The following ZNF770 variants were observed in gnomAD, a reference collection of about 807,000 sequenced individuals.
ZNF770 encodes zinc finger protein 770.
In ZNF770, 13 loss-of-function variants were observed where a neutral mutation model predicts 44.8. The ratio of observed to expected loss-of-function variants is 0.29; its 90% CI spans 0.19 to 0.46. The LOEUF is 0.46. Among genes scored for constraint, ZNF770 ranks in the 20% least tolerant of loss-of-function variants. ZNF770 has a pLI of 1.00. For missense variants in ZNF770, 681 were observed against 797.9 expected (o/e 0.85, Z 1.77); for synonymous variants, 304 against 271.8 (o/e 1.12, Z -1.17).
Position 34,981,631 on chromosome 15 carries a change from A to G in ZNF770, c.1804T>C (p.Leu602=), listed in dbSNP as rs1275740848. The change falls in exon 3 of 3, where the codon TTG becomes CTG. Residue 602 remains leucine, a synonymous_variant. Coordinates refer to ENST00000356321, the MANE Select transcript of ZNF770 (RefSeq NM_014106.4). ...TGQPCLPNVL[L]ESEQSNPFCS... ...AAAGGATTGCTTTGCTCTGATTCCA[A>G]AAGTACATTAGGAAGACAGGGTTGC... 6.8e-6 allele frequency: 11 copies of G among 1,614,060 alleles called. No individual in the cohort carries two copies. Among genetic ancestry groups the G allele is most frequent in the Non-Finnish European group, 9.3e-6 (11 of 1,180,062 alleles).
In ZNF770 at chr15:34,982,150, A is replaced by C; in HGVS notation, c.1285T>G (p.Leu429Val). The C allele has an allele frequency of 6.2e-7, 1 of 1,613,918 alleles. No individual in the cohort carries two copies. Among genetic ancestry groups the C allele is most frequent in the East Asian group, 2.2e-5 (1 of 44,860 alleles). ...TTATTCACTGAATTATCAATGCTTA[A>C]TATGTTTTCTGTCGTAAGGATGCCT... is the stretch of plus-strand genomic sequence containing the variant. The part of the protein sequence containing the change: ...LKGILTTENI[L>V]SIDNSVNKKD... Residue 429 changes from leucine (L) to valine (V), a missense_variant, in exon 3 of 3, where the codon TTA (leucine) becomes GTA (valine). By Grantham distance (32) the Leu-to-Val change is conservative. Coordinates refer to ENST00000356321, the MANE Select transcript of ZNF770 (RefSeq NM_014106.4).
chr15:34,986,510 A>C (rs2050435044), intron 2 of ZNF770, among the ~76,000 whole-genome samples: 1 of 152,246 alleles, frequency 6.6e-6, no homozygotes, highest in African/African-American at 2.4e-5. Flanking sequence ...CTTGGCAGCA[A>C]TTAGGTGCCA....
chr15:34,981,771 T>G lies in ZNF770; in HGVS notation c.1664A>C (p.Tyr555Ser). ...LSNHSGNNVNYNASQQCQAPG... is the reference protein window; with the variant it reads ...LSNHSGNNVNSNASQQCQAPG... ...AGCCTGACATTGTTGGGAAGCATTA[T>G]AGTTAACATTATTACCTGAATGATT... The change falls in exon 3 of 3, where the codon TAT (tyrosine) becomes TCT (serine). Residue 555 changes from tyrosine to serine, a missense_variant. By Grantham distance (144) the Tyr-to-Ser change is moderately radical. Transcript: ENST00000356321. 6 of 1,614,174 alleles carry G rather than the reference T, an allele frequency of 3.7e-6. No individual in the cohort carries two copies. Among genetic ancestry groups the G allele is most frequent in the Non-Finnish European group, 5.1e-6 (6 of 1,180,038 alleles).
intron 2 of ZNF770, among the ~76,000 whole-genome samples, chr15:34,983,918 A>G (rs1055035680): frequency 6.6e-6 from 1 of 151,216 alleles, no homozygotes; most frequent in Admixed American, 6.6e-5. Context: ...GCATTCAATT[A>G]TAGCACATTG....
chr15:34,982,150 A>T lies in ZNF770; in HGVS notation c.1285T>A (p.Leu429Ile), dbSNP rs147157397. The change falls in exon 3 of 3, where the codon TTA (leucine) becomes ATA (isoleucine). Residue 429 changes from leucine to isoleucine, a missense_variant. Transcript: ENST00000356321. The stretch of plus-strand genomic sequence containing the variant: ...TTATTCACTGAATTATCAATGCTTA[A>T]TATGTTTTCTGTCGTAAGGATGCCT... Reference protein sequence around the residue: ...LKGILTTENILSIDNSVNKKD... With the variant: ...LKGILTTENIISIDNSVNKKD... The T allele has an allele frequency of 3.7e-6, 6 of 1,613,800 alleles. No individual in the cohort carries two copies. In the African/African-American group the frequency reaches 6.7e-5, roughly 18 times the overall value.
rs1268941636 is a variant in ZNF770 at position 34,979,827 on chromosome 15, T to C, written c.*1532A>G. The C allele has an allele frequency of 6.3e-6, 2 of 318,254 alleles. No homozygotes were observed. The highest frequency in any genetic ancestry group is 4.5e-5 in the African/African-American group (2 of 44,362). 19.7% of individuals were successfully genotyped at this position (318,254 alleles called of 1,614,324 possible). ...TTAGAAACATAACGGTTCATTCCTT[T>C]TATTGCTAGAGAATGTCATTCCTGA... On this transcript the variant is annotated 3_prime_UTR_variant, in exon 3 of 3. Transcript: ENST00000356321.
chr15:34,988,273 G>T lies in ZNF770; in HGVS notation c.-331C>A, dbSNP rs1364412049. 2 of 152,168 alleles carry T rather than the reference G, an allele frequency of 1.3e-5. No individual in the cohort carries two copies. The highest frequency in any genetic ancestry group is 4.8e-5 in the African/African-American group (2 of 41,426). The allele number at this position is 152,168 out of a possible 1,614,324, so 9.4% of individuals were successfully genotyped here. ...GAAGGCAGCGCGCGCACGTCCGCAG[G>T]GCCGGCGCGGCAACGGGCTGAGCGC... On this transcript the variant is annotated 5_prime_UTR_variant, in exon 1 of 3. Coordinates refer to ENST00000356321, the MANE Select transcript of ZNF770 (RefSeq NM_014106.4).
Position 34,982,854 on chromosome 15 carries a change from G to C in ZNF770, c.581C>G (p.Thr194Ser), listed in dbSNP as rs748067759. The stretch of plus-strand genomic sequence containing the variant: ...GTGAGTTGACTGTCGAAAAGATTTA[G>C]TACACAAGACACATTTAAAAGGCCT... ...GQRPFKCVLC[T>S]KSFRQSTHLK... The change falls in exon 3 of 3, where the codon ACT (threonine) becomes AGT (serine). Residue 194 changes from threonine (T) to serine (S), a missense_variant. Physicochemically the swap from Thr to Ser is moderately conservative, Grantham distance 58. This residue lies in a region of ZNF770 where 432 missense variants were observed against 434.1 expected (regional missense o/e 1.00). Coordinates refer to ENST00000356321, the MANE Select transcript of ZNF770 (RefSeq NM_014106.4). 8.1e-6 allele frequency: 13 copies of C among 1,613,680 alleles called. No individual in the cohort carries two copies. The South Asian group carries it at 1.1e-4, about 14-fold the overall frequency.
In ZNF770 at chr15:34,981,088, T is replaced by C. The variant is rs2050398638; in HGVS notation, c.*271A>G. The stretch of plus-strand genomic sequence containing the variant: ...TATTTGTACAGCCATCATGGATTTA[T>C]ATTTTTCAATACAGCCAAAGTATAT... On this transcript the variant is annotated 3_prime_UTR_variant, in exon 3 of 3. Coordinates refer to ENST00000356321, the MANE Select transcript of ZNF770 (RefSeq NM_014106.4). 1 of 370,390 alleles carries C rather than the reference T, an allele frequency of 2.7e-6. No individual in the cohort carries two copies. The highest frequency in any genetic ancestry group is 4.9e-6 in the Non-Finnish European group (1 of 206,042). 22.9% of individuals were successfully genotyped at this position (370,390 alleles called of 1,614,324 possible).
rs938811549 is a variant in ZNF770 at position 34,979,462 on chromosome 15, T to C, written c.*1897A>G. 1 of 267,524 alleles carries C rather than the reference T, an allele frequency of 3.7e-6. No homozygotes were observed. The highest frequency in any genetic ancestry group is 7.5e-6 in the Non-Finnish European group (1 of 133,892). The allele number at this position is 267,524 out of a possible 1,614,324, so 16.6% of individuals were successfully genotyped here. ...TGGAGGAACATATCTCAAGGAAACC[T>C]AAGAGAAAGTGTTCTTTAAAGCATG... On this transcript the variant is annotated 3_prime_UTR_variant, in exon 3 of 3. Transcript: ENST00000356321.
In ZNF770 at chr15:34,981,729, T is replaced by C. The variant is rs765663251; in HGVS notation, c.1706A>G (p.Tyr569Cys). Residue 569 changes from tyrosine to cysteine, a missense_variant, in exon 3 of 3, where the codon TAC becomes TGC. Transcript: ENST00000356321. ...QQCQAPGVQKYEVSESDQMSG... is the reference protein window; with the variant it reads ...QQCQAPGVQKCEVSESDQMSG... ...CATTTGATCTGACTCTGAGACCTCG[T>C]ATTTTTGAACACCAGGAGCCTGACA... 1.7e-5 allele frequency: 27 copies of C among 1,614,140 alleles called. No homozygotes were observed. The highest frequency in any genetic ancestry group is 2.1e-5 in the Non-Finnish European group (25 of 1,180,042).
Position 34,981,615 on chromosome 15 carries a change from C to T in ZNF770, c.1820G>A (p.Ser607Asn), listed in dbSNP as rs559514599. 3 of 1,614,128 alleles carry T rather than the reference C, an allele frequency of 1.9e-6. No homozygotes were observed. The highest frequency in any genetic ancestry group is 2.5e-6 in the Non-Finnish European group (3 of 1,180,030). Residue 607 changes from serine (S) to asparagine (N), a missense_variant, in exon 3 of 3, where the codon AGC becomes AAC. By Grantham distance (46) the Ser-to-Asn change is conservative. Around this residue, in one of 5 missense-constraint regions of ZNF770, gnomAD observed 148 missense variants for 191.0 expected, o/e 0.77. Coordinates refer to ENST00000356321, the MANE Select transcript of ZNF770 (RefSeq NM_014106.4). ...LPNVLLESEQ[S>N]NPFCSYSEHQ... ...CTCTGAATAACTGCAAAAAGGATTGCTTTGCTCTGATTCCAAAAGTACATT... is the reference window on the plus strand; with the variant it reads ...CTCTGAATAACTGCAAAAAGGATTGTTTTGCTCTGATTCCAAAAGTACATT...
At position 34,982,740 on chromosome 15, in the gene ZNF770, A is replaced by C. The variant is rs774622887; in HGVS notation, c.695T>G (p.Leu232Arg). Reference protein sequence around the residue: ...QKGFKIQSKLLKHKQIHTRNK... With the variant: ...QKGFKIQSKLRKHKQIHTRNK... ...CCTAGTATGGATTTGTTTATGCTTCAGAAGTTTGCTTTGAATCTTAAATCC... is the reference window on the plus strand; with the variant it reads ...CCTAGTATGGATTTGTTTATGCTTCCGAAGTTTGCTTTGAATCTTAAATCC... The change falls in exon 3 of 3, where the codon CTG (leucine) becomes CGG (arginine). Residue 232 changes from leucine (L) to arginine (R), a missense_variant. Physicochemically the swap from Leu to Arg is moderately radical, Grantham distance 102. Transcript: ENST00000356321. 4.3e-5 allele frequency: 70 copies of C among 1,613,808 alleles called. No homozygotes were observed. Among genetic ancestry groups the C allele is most frequent in the Non-Finnish European group, 5.8e-5 (68 of 1,179,984 alleles).
chr15:34,987,331 T>A (rs1184696357), intron 2 of ZNF770, among the ~76,000 whole-genome samples: 1 of 152,238 alleles, frequency 6.6e-6, no homozygotes, highest in Non-Finnish European at 1.5e-5. Context: ...TCCTATCTCC[T>A]GTTTATGAGA....
In ZNF770 at chr15:34,981,369, G is replaced by A. The variant is rs2050400271; in HGVS notation, c.2066C>T (p.Ser689Leu). 6.2e-7 allele frequency: 1 copy of A among 1,607,000 alleles called. No individual in the cohort carries two copies. Among genetic ancestry groups the A allele is most frequent in the Admixed American group, 1.7e-5 (1 of 59,566 alleles). ...RPQGKVVALD[S>L]VM Reference sequence around the variant, plus strand: ...AGTGGTTGCGACAATTTACATAACCGAATCTAAGGCAACCACTTTCCCTTG... The same window carrying A: ...AGTGGTTGCGACAATTTACATAACCAAATCTAAGGCAACCACTTTCCCTTG... The change falls in exon 3 of 3, where the codon TCG becomes TTG. Residue 689 changes from serine (S) to leucine (L), a missense_variant. Physicochemically the swap from Ser to Leu is moderately radical, Grantham distance 145. Transcript: ENST00000356321.
rs944594618 is a variant in ZNF770 at position 34,978,906 on chromosome 15, T to C, written c.*2453A>G. The C allele has an allele frequency of 5.9e-5, 9 of 152,246 alleles. No individual in the cohort carries two copies. Among genetic ancestry groups the C allele is most frequent in the African/African-American group, 1.9e-4 (8 of 41,452 alleles). The allele number at this position is 152,246 out of a possible 1,614,324, so 9.4% of individuals were successfully genotyped here. On this transcript the variant is annotated 3_prime_UTR_variant, in exon 3 of 3. Coordinates refer to ENST00000356321, the MANE Select transcript of ZNF770 (RefSeq NM_014106.4). Reference sequence around the variant, plus strand: ...TATACTTTATCCCTAGACTAATACCTAATGCAATGTAAATGCTATTTAAAT... The same window carrying C: ...TATACTTTATCCCTAGACTAATACCCAATGCAATGTAAATGCTATTTAAAT...
At position 34,981,334 on chromosome 15, in the gene ZNF770, C is replaced by G; in HGVS notation, c.*25G>C. 6.3e-7 allele frequency: 1 copy of G among 1,581,372 alleles called. No individual in the cohort carries two copies. Among genetic ancestry groups the G allele is most frequent in the Non-Finnish European group, 8.6e-7 (1 of 1,168,980 alleles). ...CTTTAAAAATAAGATCACCAGAGAC[C>G]ACAATTGTTAGTGGTTGCGACAATT... is the stretch of plus-strand genomic sequence containing the variant. On this transcript the variant is annotated 3_prime_UTR_variant, in exon 3 of 3. Transcript: ENST00000356321.
In ZNF770 at chr15:34,980,199, G is replaced by A. The variant is rs2050391771; in HGVS notation, c.*1160C>T. The A allele has an allele frequency of 6.6e-6, 1 of 152,318 alleles. No homozygotes were observed. The highest frequency in any genetic ancestry group is 1.9e-4 in the East Asian group (1 of 5,194). The allele number at this position is 152,318 out of a possible 1,614,324, so 9.4% of individuals were successfully genotyped here. On this transcript the variant is annotated 3_prime_UTR_variant, in exon 3 of 3. Coordinates refer to ENST00000356321, the MANE Select transcript of ZNF770 (RefSeq NM_014106.4). ...CTAAAATAAATGTAAAAGTCTTATG[G>A]AGATGAAGATCTCTAGAATAGTCTT... is the stretch of plus-strand genomic sequence containing the variant.
At position 34,981,642 on chromosome 15, in the gene ZNF770, G is replaced by T. The variant is rs144916852; in HGVS notation, c.1793C>A (p.Pro598His). The part of the protein sequence containing the change: ...IPGSTGQPCL[P>H]NVLLESEQSN... ...TTGCTCTGATTCCAAAAGTACATTA[G>T]GAAGACAGGGTTGCCCGGTGCTACC... The change falls in exon 3 of 3, where the codon CCT (proline) becomes CAT (histidine). Residue 598 changes from proline (P) to histidine (H), a missense_variant. Pro to His is a moderately conservative substitution (Grantham distance 77). This residue lies in a region of ZNF770 where 148 missense variants were observed against 191.0 expected (regional missense o/e 0.77). Transcript: ENST00000356321. 2.2e-4 allele frequency: 362 copies of T among 1,614,118 alleles called. 1 individual carries two copies. In the African/African-American group the frequency reaches 4.5e-3, roughly 20 times the overall value.
Sources: allele counts gnomAD v4.1 joint callset (sites outside exome capture counted in the v4.1 genomes callset), GRCh38; gene constraint gnomAD v4.1.1; regional missense constraint gnomAD v4.1.1; transcripts MANE v1.5; gene names NCBI Gene and HGNC (gene_info 2026-07-23, HGNC 2026-07-21).